Variants in NKAIN2 observed in about 807,000 individuals in gnomAD.
The protein encoded by NKAIN2 is sodium/potassium transporting ATPase interacting 2, also known as sodium/potassium-transporting ATPase subunit beta-1-interacting protein 2.
In NKAIN2, 14 loss-of-function variants were observed where a neutral mutation model predicts 32.6. The observed-to-expected ratio is 0.43, with a 90% CI of 0.28 to 0.67. NKAIN2 has a LOEUF of 0.67. NKAIN2 is among the 30% of genes least tolerant of loss of function. NKAIN2 has a pLI of 0.17. For synonymous variants in NKAIN2, 80 were observed against 87.2 expected, an observed-to-expected ratio of 0.92 and a Z score of 0.46; for missense variants, 198 against 258.3, an observed-to-expected ratio of 0.77 and a Z score of 1.60.
At chr6:124,778,874 AG>A (rs1190882337) in intron 4 of NKAIN2, among the ~76,000 whole-genome samples, 1 of 152,190 alleles carries the variant, frequency 6.6e-6, no homozygotes, top group Non-Finnish European at 1.5e-5. Context: ...TCCTTCTTGT[AG>A]GAATGGCTGA....
chr6:124,574,574 G>A (rs1298123474), intron 3 of NKAIN2, among the ~76,000 whole-genome samples: 2 of 152,174 alleles, frequency 1.3e-5, no homozygotes, highest in Non-Finnish European at 2.9e-5. Flanking sequence ...AGCTGAGATC[G>A]CCCCAGTGCA....
At chr6:124,345,306 T>C (rs1296612437) in intron 2 of NKAIN2, among the ~76,000 whole-genome samples, 3 of 152,182 alleles carry the variant, frequency 2.0e-5, no homozygotes, top group African/African-American at 7.2e-5. Context: ...TTTTTGGTTG[T>C]GTCTCTGCCA....
chr6:123,830,428 C>G (rs1774331782), intron 1 of NKAIN2, among the ~76,000 whole-genome samples: 1 of 152,140 alleles, frequency 6.6e-6, no homozygotes, highest in African/African-American at 2.4e-5. Flanking sequence ...GTCTCACTCC[C>G]CTTTGCTAAT....
At chr6:124,547,308 T>C (rs1780129443) in intron 3 of NKAIN2, among the ~76,000 whole-genome samples, 1 of 152,192 alleles carries the variant, frequency 6.6e-6, no homozygotes, top group Non-Finnish European at 1.5e-5. Context: ...AAATTCTTGA[T>C]TTATTAGCAG....
At chr6:124,748,426 T>C (rs1431810844) in intron 4 of NKAIN2, among the ~76,000 whole-genome samples, 2 of 151,980 alleles carry the variant, frequency 1.3e-5, no homozygotes, top group Non-Finnish European at 2.9e-5. Context: ...AAAGCTCCCA[T>C]GCTCTCCTGA....
chr6:124,003,984 G>C (rs1779975662), intron 1 of NKAIN2, among the ~76,000 whole-genome samples: 1 of 152,224 alleles, frequency 6.6e-6, no homozygotes. Flanking sequence ...AGAGCTAAAA[G>C]TGCACAAAGA....
At chr6:124,365,419 G>A (rs9482540) in intron 3 of NKAIN2, among the ~76,000 whole-genome samples, 22,653 of 151,556 alleles carry the variant, frequency 0.15, 2,246 homozygotes, top group African/African-American at 0.29. Context: ...AATGTTTAAG[G>A]CAGGAAACAT....
chr6:124,032,042 A>T (rs1288597305), intron 1 of NKAIN2, among the ~76,000 whole-genome samples: 1 of 151,996 alleles, frequency 6.6e-6, no homozygotes, highest in African/African-American at 2.4e-5. Flanking sequence ...AGACTGGATT[A>T]AAAAAATGTG....
chr6:124,792,170 GA>G (rs1390076928), intron 5 of NKAIN2, among the ~76,000 whole-genome samples: 1 of 152,072 alleles, frequency 6.6e-6, no homozygotes, highest in South Asian at 2.1e-4. Context: ...TTACTCTGAG[GA>G]AAAATCAGAA....
rs1024421969 is a variant in NKAIN2 at position 124,679,589 on chromosome 6, G to GTTGA, written c.474+21206_474+21209dup. 3.3e-5 allele frequency among the ~76,000 whole-genome samples: 5 copies of GTTGA among 152,086 alleles called. No individual in the cohort carries two copies. In the South Asian group the frequency reaches 1.0e-3, roughly 32 times the overall value. ...GGTTTAGCAGTCTCTTAACTGGTTT[G>GTTGA]TTGATTACTCACAGAAAGAATGGAT... On this transcript the variant is annotated intron_variant, in intron 4 of 6. Coordinates refer to ENST00000368417, the MANE Select transcript of NKAIN2 (RefSeq NM_001040214.3).
At chr6:124,810,352 A>G (rs1432669757) in intron 5 of NKAIN2, among the ~76,000 whole-genome samples, 3 of 152,070 alleles carry the variant, frequency 2.0e-5, no homozygotes, top group Non-Finnish European at 2.9e-5. Flanking sequence ...ATGAAATTGG[A>G]AATCATCATT....
intron 3 of NKAIN2, among the ~76,000 whole-genome samples, chr6:124,645,731 A>C (rs1784145126): frequency 6.6e-6 from 1 of 152,216 alleles, no homozygotes; most frequent in Non-Finnish European, 1.5e-5. Context: ...CTTTTAAGGA[A>C]GGCTCCAACA....
At chr6:123,960,248 T>C (rs1182490074) in intron 1 of NKAIN2, among the ~76,000 whole-genome samples, 3 of 152,196 alleles carry the variant, frequency 2.0e-5, no homozygotes, top group Admixed American at 6.5e-5. Context: ...CTAATGGCCA[T>C]CAGGTTGCGG....
chr6:124,545,242 G>A lies in NKAIN2; in HGVS notation c.274-112944G>A, dbSNP rs187772483. Among the ~76,000 whole-genome samples, 6 of 152,256 alleles carry A rather than the reference G, an allele frequency of 3.9e-5. No homozygotes were observed. The East Asian group carries it at 1.2e-3, about 29-fold the overall frequency. ...TTTGCTCTTTAAATGGAAGCTGGAA[G>A]CTTTTTGACTTGAAAATAATATCAA... On this transcript the variant is annotated intron_variant, in intron 3 of 6. Coordinates refer to ENST00000368417, the MANE Select transcript of NKAIN2 (RefSeq NM_001040214.3).
rs538011362 is a variant in NKAIN2 at position 124,709,785 on chromosome 6, C to T, written c.474+51399C>T. ...ATTGATCCTTTCAAAAAACCAGCTC[C>T]TGGATTCATTAATTTTTTGAAGGGT... On this transcript the variant is annotated intron_variant, in intron 4 of 6. Coordinates refer to ENST00000368417, the MANE Select transcript of NKAIN2 (RefSeq NM_001040214.3). Among the ~76,000 whole-genome samples the T allele has an allele frequency of 1.7e-3, 251 of 151,718 alleles. 3 individuals carry two copies. The highest frequency in any genetic ancestry group is 5.9e-3 in the African/African-American group (244 of 41,354).
At chr6:124,567,203 G>A (rs1172693617) in intron 3 of NKAIN2, among the ~76,000 whole-genome samples, 1 of 152,052 alleles carries the variant, frequency 6.6e-6, no homozygotes, top group Non-Finnish European at 1.5e-5. Flanking sequence ...AACCAATAAT[G>A]TGCTTTCACC....
At position 124,680,241 on chromosome 6, in the gene NKAIN2, T is replaced by TTAAA. The variant is rs2114501474; in HGVS notation, c.474+21856_474+21857insAAAT. 2.0e-5 allele frequency among the ~76,000 whole-genome samples: 3 copies of TTAAA among 152,246 alleles called. No individual in the cohort carries two copies. The East Asian group carries it at 5.8e-4, about 29-fold the overall frequency. On this transcript the variant is annotated intron_variant, in intron 4 of 6. Transcript: ENST00000368417. ...AATGTTTAAAATTTAAGGAATGTGTTTCCCTTAAAGATTTACTGCAGACCT... is the reference window on the plus strand; with the variant it reads ...AATGTTTAAAATTTAAGGAATGTGTTTAAATCCCTTAAAGATTTACTGCAGACCT...
At chr6:124,129,536 A>T (rs1012049448) in intron 1 of NKAIN2, among the ~76,000 whole-genome samples, 3 of 152,118 alleles carry the variant, frequency 2.0e-5, no homozygotes, top group Non-Finnish European at 4.4e-5. Context: ...TCAGTTGAAG[A>T]TTTAGAGTTT....
intron 1 of NKAIN2, among the ~76,000 whole-genome samples, chr6:123,825,066 A>G (rs1447843586): frequency 6.6e-6 from 1 of 152,168 alleles, no homozygotes. Flanking sequence ...CCTGATTTCT[A>G]GTTCATAAAT....
Sources: allele counts gnomAD v4.1 joint callset (sites outside exome capture counted in the v4.1 genomes callset), GRCh38; gene constraint gnomAD v4.1.1; transcripts MANE v1.5; gene names NCBI Gene and HGNC (gene_info 2026-07-23, HGNC 2026-07-21).